The following PCDHA13 variants were observed in gnomAD, a reference collection of about 807,000 sequenced individuals.
The protein encoded by PCDHA13 is protocadherin alpha 13.
PCDHA13 carries 54 observed loss-of-function variants against 64.8 expected under a neutral mutation model. That is an observed-to-expected ratio of 0.83 (90% CI 0.67 to 1.04). The LOEUF is 1.04. PCDHA13 is among the 50% of genes least tolerant of loss of function. The pLI is 0.00. For missense variants in PCDHA13, 1,248 were observed against 1,254.3 expected (o/e 0.99, Z 0.08); for synonymous variants, 587 against 564.4 (o/e 1.04, Z -0.57).
intron 1 of PCDHA13, among the ~76,000 whole-genome samples, chr5:140,946,530 C>T (rs2093957873): frequency 6.6e-6 from 1 of 150,514 alleles, no homozygotes; most frequent in African/African-American, 2.5e-5. Context: ...CTCCCATGTT[C>T]ATTGCAGCAT....
chr5:140,928,555 A>G, intron 1 of PCDHA13: 1 of 1,614,240 alleles, frequency 6.2e-7, no homozygotes, highest in Non-Finnish European at 8.5e-7. Flanking sequence ...TTATCCGGTT[A>G]TCTTGTTTCC....
At chr5:140,953,284 T>G (rs2094869714) in intron 1 of PCDHA13, among the ~76,000 whole-genome samples, 1 of 152,160 alleles carries the variant, frequency 6.6e-6, no homozygotes, top group Admixed American at 6.5e-5. Flanking sequence ...TCTTTATATG[T>G]GATTCAGGGA....
chr5:140,937,148 C>T (rs1400872734), intron 1 of PCDHA13, among the ~76,000 whole-genome samples: 6 of 151,842 alleles, frequency 4.0e-5, no homozygotes, highest in Non-Finnish European at 8.8e-5. Flanking sequence ...TGCCATTCTC[C>T]TGCCTCAGCC....
chr5:140,954,025 C>T (rs533473552), intron 1 of PCDHA13, among the ~76,000 whole-genome samples: 385 of 152,188 alleles, frequency 2.5e-3, no homozygotes, highest in Middle Eastern at 0.014. Context: ...CATAGTGGGA[C>T]GATGTGGTAT....
At chr5:140,941,523 A>T (rs1351933430) in intron 1 of PCDHA13, among the ~76,000 whole-genome samples, 1 of 151,186 alleles carries the variant, frequency 6.6e-6, no homozygotes, top group Non-Finnish European at 1.5e-5. Flanking sequence ...CACCATCTTG[A>T]CCAGGCTGGT....
rs149656802 is a variant in PCDHA13, at chr5:141,008,452, C to T, written c.2543-1175C>T. ...TTTGCCCAGACAGACCATTACCCTTCCTCTCCAGCTCTGACTTCTACTCTT... is the reference window on the plus strand; with the variant it reads ...TTTGCCCAGACAGACCATTACCCTTTCTCTCCAGCTCTGACTTCTACTCTT... On this transcript the variant is annotated intron_variant, in intron 3 of 3. Coordinates refer to ENST00000289272, the MANE Select transcript of PCDHA13 (RefSeq NM_018904.3). Among the ~76,000 whole-genome samples, 286 of 152,284 alleles carry T rather than the reference C, an allele frequency of 1.9e-3. 2 individuals carry two copies. Among genetic ancestry groups the T allele is most frequent in the African/African-American group, 6.5e-3 (272 of 41,548 alleles).
intron 1 of PCDHA13, among the ~76,000 whole-genome samples, chr5:140,950,831 TTAAGAC>T (rs1337916001): frequency 6.6e-6 from 1 of 152,128 alleles, no homozygotes; most frequent in Non-Finnish European, 1.5e-5. Flanking sequence ...GTTTGGTCCT[TTAAGAC>T]TATACATTTC....
Position 141,010,344 on chromosome 5 carries a change from G to A in PCDHA13, c.*407G>A, listed in dbSNP as rs1011321402. On this transcript the variant is annotated 3_prime_UTR_variant, in exon 4 of 4. Coordinates refer to ENST00000289272, the MANE Select transcript of PCDHA13 (RefSeq NM_018904.3). Reference sequence around the variant, plus strand: ...CAGCTTGGGAGTTTGTGGCCACTGGGTATGTGTGGCTACCGCGGGTATGCG... The same window carrying A: ...CAGCTTGGGAGTTTGTGGCCACTGGATATGTGTGGCTACCGCGGGTATGCG... 3 of 1,518,888 alleles carry A rather than the reference G, an allele frequency of 2.0e-6. No homozygotes were observed. The Admixed American group carries it at 6.4e-5, about 33-fold the overall frequency. 94.1% of individuals were successfully genotyped at this position (1,518,888 alleles called of 1,614,324 possible).
intron 1 of PCDHA13, among the ~76,000 whole-genome samples, chr5:140,906,070 C>T (rs1257687877): frequency 1.3e-5 from 2 of 152,162 alleles, no homozygotes; most frequent in South Asian, 2.1e-4. Flanking sequence ...CTGATTAGAT[C>T]GCACCCACCC....
chr5:140,946,031 G>A (rs1275615718), intron 1 of PCDHA13, among the ~76,000 whole-genome samples: 2 of 151,984 alleles, frequency 1.3e-5, no homozygotes, highest in African/African-American at 2.4e-5. Flanking sequence ...AAGAAAACAA[G>A]AGTGAAGGGA....
chr5:140,946,224 C>T (rs1450090999), intron 1 of PCDHA13, among the ~76,000 whole-genome samples: 1 of 151,786 alleles, frequency 6.6e-6, no homozygotes, highest in Non-Finnish European at 1.5e-5. Context: ...AACAGGTATA[C>T]TAAAAAATGC....
intron 1 of PCDHA13, among the ~76,000 whole-genome samples, chr5:140,896,268 A>T (rs2065469707): frequency 6.6e-6 from 1 of 152,150 alleles, no homozygotes; most frequent in African/African-American, 2.4e-5. Context: ...CAGTTATGGG[A>T]TTTGCTGGCT....
intron 1 of PCDHA13, among the ~76,000 whole-genome samples, chr5:140,964,876 G>A (rs2095860081): frequency 6.6e-6 from 1 of 152,188 alleles, no homozygotes; most frequent in Non-Finnish European, 1.5e-5. Flanking sequence ...CAAATAAGAA[G>A]CAGCAGTGAT....
intron 2 of PCDHA13, among the ~76,000 whole-genome samples, chr5:140,980,478 A>G (rs1186753725): frequency 2.6e-5 from 4 of 152,172 alleles, no homozygotes; most frequent in African/African-American, 4.8e-5. Context: ...AAAAATACAA[A>G]AATTAGCTGG....
At chr5:140,978,597 A>G (rs897045455) in intron 1 of PCDHA13, among the ~76,000 whole-genome samples, 1 of 152,234 alleles carries the variant, frequency 6.6e-6, no homozygotes, top group Non-Finnish European at 1.5e-5. Flanking sequence ...TTAATGGGGC[A>G]CTTGAGGGCA....
At chr5:140,923,165 A>G (rs1307354165) in intron 1 of PCDHA13, among the ~76,000 whole-genome samples, 1 of 152,148 alleles carries the variant, frequency 6.6e-6, no homozygotes. Context: ...AGAAAGATAA[A>G]TTTTTGTTCA....
chr5:140,916,303 A>G (rs2077518127), intron 1 of PCDHA13, among the ~76,000 whole-genome samples: 1 of 152,176 alleles, frequency 6.6e-6, no homozygotes, highest in Admixed American at 6.5e-5. Context: ...ACTGGTACCA[A>G]AGGTGCAAGA....
At chr5:140,976,148 C>T (rs1563445972) in intron 1 of PCDHA13, among the ~76,000 whole-genome samples, 1 of 152,160 alleles carries the variant, frequency 6.6e-6, no homozygotes, top group Non-Finnish European at 1.5e-5. Flanking sequence ...AACTCATGTA[C>T]ATTTTACTAC....
At chr5:140,978,800 TATC>T (rs1193658453) in intron 1 of PCDHA13, 146 bp from the exon 2 acceptor site, 56 of 1,480,550 alleles carry the variant, frequency 3.8e-5, no homozygotes, top group Admixed American at 1.1e-4. Context: ...TATATGTAGA[TATC>T]ATCATAGAGT....
Sources: allele counts gnomAD v4.1 joint callset (sites outside exome capture counted in the v4.1 genomes callset), GRCh38; gene constraint gnomAD v4.1.1; transcripts MANE v1.5; gene names NCBI Gene and HGNC (gene_info 2026-07-23, HGNC 2026-07-21).